QRSL1: variants seen among roughly 807,000 people sequenced by gnomAD.
QRSL1 encodes the protein glutamyl-tRNA(Gln) amidotransferase subunit A, mitochondrial.
In QRSL1, 54 loss-of-function variants were observed where a neutral mutation model predicts 61.6. The observed-to-expected ratio is 0.88, with a 90% CI of 0.70 to 1.10. The LOEUF is 1.10. Among genes scored for constraint, QRSL1 ranks in the 50% least tolerant of loss-of-function variants. QRSL1 has a pLI of 0.00. For missense variants in QRSL1, 505 were observed against 622.6 expected (o/e 0.81, Z 2.01); for synonymous variants, 228 against 225.7 (o/e 1.01, Z -0.09).
chr6:106,658,637 A>G (rs192586156), intron 9 of QRSL1, among the ~76,000 whole-genome samples: 199 of 151,538 alleles, frequency 1.3e-3, no homozygotes, highest in Non-Finnish European at 2.3e-3. Flanking sequence ...ATAGTTTCTG[A>G]GAAGTCTGTT....
At chr6:106,642,461 T>C in intron 3 of QRSL1, 1 of 646,342 alleles carries the variant, frequency 1.5e-6, no homozygotes, top group Non-Finnish European at 2.8e-6. Flanking sequence ...TTCACCAAAA[T>C]GATGAACACA....
chr6:106,633,948 TAA>T (rs68193824), intron 1 of QRSL1, among the ~76,000 whole-genome samples: 131 of 145,142 alleles, frequency 9.0e-4, no homozygotes, highest in Non-Finnish European at 1.1e-3. Flanking sequence ...TTAAACACTT[TAA>T]AAAAAAAAAA....
chr6:106,637,414 C>T (rs904485292), intron 1 of QRSL1, among the ~76,000 whole-genome samples: 2 of 152,006 alleles, frequency 1.3e-5, no homozygotes, highest in Non-Finnish European at 1.5e-5. Context: ...AGGATAGGAG[C>T]AATAGTAACA....
chr6:106,654,555 C>G (rs1777237928), intron 7 of QRSL1, among the ~76,000 whole-genome samples, 175 bp from the exon 8 acceptor site: 1 of 152,118 alleles, frequency 6.6e-6, no homozygotes, highest in Non-Finnish European at 1.5e-5. Context: ...CATAAACACT[C>G]TGAAATGGAT....
chr6:106,654,632 G>A, intron 7 of QRSL1, 98 bp from the exon 8 acceptor site: 1 of 1,078,604 alleles, frequency 9.3e-7, no homozygotes, highest in South Asian at 1.6e-5. Context: ...AGGTCCTGAA[G>A]TACAGATTTT....
In QRSL1 at chr6:106,660,333, C is replaced by CG. The variant is rs200802690; in HGVS notation, c.1161-2647_1161-2646insG. On this transcript the variant is annotated intron_variant, in intron 9 of 10. Coordinates refer to ENST00000369046, the MANE Select transcript of QRSL1 (RefSeq NM_018292.5). ...TCAGCAACCCTCAACACTCCCCACC[C>CG]CCCCCGTGAAGCTAGGACTACTGTA... Among the ~76,000 whole-genome samples the CG allele has an allele frequency of 1.2e-3, 186 of 151,500 alleles. 3 individuals carry two copies. The highest frequency in any genetic ancestry group is 4.3e-3 in the African/African-American group (178 of 41,272).
At chr6:106,652,890 C>T in intron 7 of QRSL1, 1 of 745,712 alleles carries the variant, frequency 1.3e-6, no homozygotes. Flanking sequence ...TTTATCATAA[C>T]TGCTTAACTG....
chr6:106,637,049 C>A (rs1776934867), intron 1 of QRSL1, among the ~76,000 whole-genome samples: 1 of 152,208 alleles, frequency 6.6e-6, no homozygotes, highest in Non-Finnish European at 1.5e-5. Flanking sequence ...CCATGTGCTG[C>A]AGTTGCACTG....
chr6:106,652,528 A>G lies in QRSL1; in HGVS notation c.795A>G (p.Pro265=). 3.7e-6 allele frequency: 6 copies of G among 1,614,200 alleles called. No homozygotes were observed. The highest frequency in any genetic ancestry group is 5.1e-6 in the Non-Finnish European group (6 of 1,180,032). The part of the protein sequence containing the change: ...STTVHEPINK[P]FMLPSLADVS... ...CAGTACATGAACCTATTAATAAACC[A>G]TTCATGCTTCCCAGTTTGGCAGATG... The change falls in exon 7 of 11, where the codon CCA becomes CCG. Residue 265 remains proline, a synonymous_variant. Transcript: ENST00000369046.
chr6:106,644,927 T>C (rs1777085165), intron 4 of QRSL1, among the ~76,000 whole-genome samples: 1 of 152,224 alleles, frequency 6.6e-6, no homozygotes, highest in Non-Finnish European at 1.5e-5. Context: ...TTTTCGTATA[T>C]AGTATGAATA....
intron 7 of QRSL1, chr6:106,653,025 C>T (rs1228215218): frequency 1.0e-5 from 3 of 296,172 alleles, no homozygotes; most frequent in East Asian, 6.5e-5. Context: ...ATAGTTTGCC[C>T]ATCCCTAATG....
rs1403954974 is a variant in QRSL1 at position 106,666,260 on chromosome 6, C to T, written c.*258C>T. 10 of 434,782 alleles carry T rather than the reference C, an allele frequency of 2.3e-5. No homozygotes were observed. In the Admixed American group the frequency reaches 3.6e-4, roughly 16 times the overall value. 26.9% of individuals were successfully genotyped at this position (434,782 alleles called of 1,614,324 possible). The stretch of plus-strand genomic sequence containing the variant: ...CCTGGAGGTGGAGGTTGCAGTGAGC[C>T]GAGATCATGCCACTGCACTGCACTC... On this transcript the variant is annotated 3_prime_UTR_variant, in exon 11 of 11. Coordinates refer to ENST00000369046, the MANE Select transcript of QRSL1 (RefSeq NM_018292.5).
At chr6:106,638,634 C>T (rs533838260) in intron 1 of QRSL1, among the ~76,000 whole-genome samples, 2 of 152,190 alleles carry the variant, frequency 1.3e-5, no homozygotes, top group East Asian at 1.9e-4. Flanking sequence ...AACCATTAGA[C>T]GAACTCTCTC....
intron 9 of QRSL1, among the ~76,000 whole-genome samples, chr6:106,659,659 A>T (rs1404185633): frequency 1.3e-5 from 2 of 152,122 alleles, no homozygotes; most frequent in Non-Finnish European, 2.9e-5. Flanking sequence ...ATTCCTTTAA[A>T]CAGTGTTGGG....
At chr6:106,630,718 C>T (rs530348778) in intron 1 of QRSL1, among the ~76,000 whole-genome samples, 3 of 152,244 alleles carry the variant, frequency 2.0e-5, no homozygotes, top group Non-Finnish European at 4.4e-5. Context: ...AAGAAGTAGG[C>T]GCTGATGACC....
At chr6:106,631,436 C>T (rs1464374717) in intron 1 of QRSL1, among the ~76,000 whole-genome samples, 2 of 152,082 alleles carry the variant, frequency 1.3e-5, no homozygotes, top group Non-Finnish European at 2.9e-5. Context: ...TGTGCCTATT[C>T]AAGAAGGTTG....
At chr6:106,645,442 A>AT (rs1777092642) in intron 4 of QRSL1, among the ~76,000 whole-genome samples, 3 of 149,518 alleles carry the variant, frequency 2.0e-5, no homozygotes, top group African/African-American at 4.9e-5. Flanking sequence ...TTTTTTTTTG[A>AT]GACAGAATCT....
chr6:106,646,969 A>G (rs1183674440), intron 4 of QRSL1, among the ~76,000 whole-genome samples: 1 of 138,554 alleles, frequency 7.2e-6, no homozygotes, highest in East Asian at 2.3e-4. Context: ...CAGAGGTTGC[A>G]GTGAGCCGAA....
intron 9 of QRSL1, 137 bp downstream of exon 9, chr6:106,655,869 C>A: frequency 1.7e-6 from 1 of 577,346 alleles, no homozygotes; most frequent in Admixed American, 3.0e-5. Flanking sequence ...CTGTTTATGG[C>A]ACTTTTGGGT....
Sources: gnomAD v4.1 joint callset for allele counts (sites outside exome capture counted in the v4.1 genomes callset) on GRCh38, gnomAD v4.1.1 for gene constraint, MANE v1.5 for transcripts, NCBI Gene and HGNC (gene_info 2026-07-23, HGNC 2026-07-21) for gene names.